TAF3: variants seen among roughly 807,000 people sequenced by gnomAD.
TAF3 encodes the protein TATA-box binding protein associated factor 3, also known as transcription initiation factor TFIID subunit 3.
TAF3 carries 7 observed loss-of-function variants against 80.6 expected under a neutral mutation model. The ratio of observed to expected loss-of-function variants is 0.09; its 90% CI spans 0.05 to 0.16. TAF3 has a LOEUF of 0.16. Ranked by LOEUF, TAF3 falls within the 10% of genes least tolerant of loss-of-function variation. The pLI is 1.00. For synonymous variants in TAF3, 444 were observed against 446.1 expected (o/e 1.00, Z 0.06); for missense variants, 921 against 1,140.2 (o/e 0.81, Z 2.77).
intron 2 of TAF3, among the ~76,000 whole-genome samples, chr10:7,932,654 T>C (rs1206681001): frequency 6.6e-6 from 1 of 151,500 alleles, no homozygotes; most frequent in Non-Finnish European, 1.5e-5. Context: ...CTGACGTTGA[T>C]TTATGTTCCA....
intron 2 of TAF3, among the ~76,000 whole-genome samples, chr10:7,915,630 G>A (rs1216523983): frequency 2.8e-5 from 3 of 106,096 alleles, no homozygotes; most frequent in South Asian, 3.4e-4. Flanking sequence ...GCGACAGAGC[G>A]AAACTCCGTC....
Position 8,009,179 on chromosome 10 carries a change from T to C in TAF3, c.2417T>C (p.Met806Thr). The change falls in exon 5 of 7, where the codon ATG (methionine) becomes ACG (threonine). Residue 806 changes from methionine (M) to threonine (T), a missense_variant. Met to Thr is a moderately conservative substitution (Grantham distance 81). Coordinates refer to ENST00000344293, the MANE Select transcript of TAF3 (RefSeq NM_031923.4). This position sits in a 1 kb window ranked among gnomAD's most constrained non-coding sequence, Gnocchi z 4.1. ...PPAPAPAPGP[M>T]LVSPAPVPLP... ...GCCCCCGCGCCCGCCCCCGGCCCCA[T>C]GCTCGTCAGCCCTGCGCCCGTGCCG... 6.6e-7 allele frequency: 1 copy of C among 1,520,956 alleles called. No individual in the cohort carries two copies. The highest frequency in any genetic ancestry group is 8.8e-7 in the Non-Finnish European group (1 of 1,132,264). 94.2% of individuals were successfully genotyped at this position (1,520,956 alleles called of 1,614,324 possible).
At chr10:7,824,670 C>G in intron 2 of TAF3, 110 bp downstream of exon 2, 1 of 1,334,400 alleles carries the variant, frequency 7.5e-7, no homozygotes, top group South Asian at 1.4e-5. Flanking sequence ...ACAATAGAAA[C>G]ATTTACTGTT....
rs142114284 is a variant in TAF3 at position 8,016,101 on chromosome 10, T to TA, written c.*1357dup. ...AAACCAAATATTTTATTTTTAATGT[T>TA]AAAAAAACATCAAATTTAACTTTAT... is the stretch of plus-strand genomic sequence containing the variant. On this transcript the variant is annotated 3_prime_UTR_variant, in exon 7 of 7. Transcript: ENST00000344293. 1.3e-5 allele frequency: 2 copies of TA among 152,256 alleles called. No individual in the cohort carries two copies. Among genetic ancestry groups the TA allele is most frequent in the South Asian group, 2.1e-4 (1 of 4,818 alleles). The allele number at this position is 152,256 out of a possible 1,614,324, so 9.4% of individuals were successfully genotyped here.
intron 2 of TAF3, among the ~76,000 whole-genome samples, chr10:7,956,225 C>T (rs554315643): frequency 1.2e-3 from 186 of 152,280 alleles, no homozygotes; most frequent in African/African-American, 4.2e-3. Flanking sequence ...CGCGGTGTCT[C>T]ACGCCTGTAA....
Position 7,965,563 on chromosome 10 carries a change from C to G in TAF3, c.2053C>G (p.Leu685Val), listed in dbSNP as rs1831562282. 6.3e-7 allele frequency: 1 copy of G among 1,598,458 alleles called. No homozygotes were observed. The highest frequency in any genetic ancestry group is 8.5e-7 in the Non-Finnish European group (1 of 1,176,264). Reference sequence around the variant, plus strand: ...CATGCTGCCATCTTTGTTGCCAGTGCTTCCGGAAAAACTGTTTGAGGAGAA... The same window carrying G: ...CATGCTGCCATCTTTGTTGCCAGTGGTTCCGGAAAAACTGTTTGAGGAGAA... Reference protein sequence around the residue: ...PAMLPSLLPVLPEKLFEEKEK... With the variant: ...PAMLPSLLPVVPEKLFEEKEK... Residue 685 changes from leucine (L) to valine (V), a missense_variant, in exon 3 of 7, where the codon CTT becomes GTT. Leu to Val is a conservative substitution (Grantham distance 32). Around this residue, in one of 6 missense-constraint regions of TAF3, gnomAD observed 743 missense variants for 821.0 expected, o/e 0.90. Transcript: ENST00000344293.
intron 2 of TAF3, among the ~76,000 whole-genome samples, chr10:7,859,260 CAATAAATA>C (rs145110594): frequency 0.44 from 58,852 of 133,714 alleles, 13,494 homozygotes; most frequent in Non-Finnish European, 0.5. Flanking sequence ...GACTCCATCT[CAATAAATA>C]AATAAATAAA....
chr10:7,821,271 T>C (rs942784183), intron 1 of TAF3, among the ~76,000 whole-genome samples: 19 of 152,210 alleles, frequency 1.2e-4, no homozygotes, highest in African/African-American at 4.6e-4. Flanking sequence ...TTTTAGATTC[T>C]TTTTTCTATA....
At chr10:7,863,626 A>AATATATATAT (rs1554778360) in intron 2 of TAF3, among the ~76,000 whole-genome samples, 6 of 48,098 alleles carry the variant, frequency 1.2e-4, no homozygotes, top group Admixed American at 6.1e-4. Context: ...AAAAAAAAAA[A>AATATATATAT]ATATATATAT....
intron 5 of TAF3, among the ~76,000 whole-genome samples, chr10:8,012,455 T>G (rs895477130): frequency 6.6e-6 from 1 of 152,226 alleles, no homozygotes; most frequent in Non-Finnish European, 1.5e-5. Flanking sequence ...TGGTATTAGT[T>G]GCTGTGGATG....
At chr10:7,888,705 T>C (rs1413942749) in intron 2 of TAF3, among the ~76,000 whole-genome samples, 1 of 152,232 alleles carries the variant, frequency 6.6e-6, no homozygotes, top group East Asian at 1.9e-4. Flanking sequence ...GAATATACTA[T>C]ACTAATTATA....
intron 2 of TAF3, among the ~76,000 whole-genome samples, chr10:7,866,869 A>G (rs1045583933): frequency 3.3e-5 from 5 of 152,208 alleles, no homozygotes; most frequent in African/African-American, 1.2e-4. Flanking sequence ...GTGCGCTCTA[A>G]AAAGTAATCT....
chr10:7,959,753 G>T (rs1227893754), intron 2 of TAF3, among the ~76,000 whole-genome samples: 2 of 152,122 alleles, frequency 1.3e-5, no homozygotes, highest in Non-Finnish European at 2.9e-5. Context: ...GGCCTATCTT[G>T]TAGCCATTTT....
At chr10:7,840,262 C>A (rs1256961205) in intron 2 of TAF3, among the ~76,000 whole-genome samples, 2 of 151,614 alleles carry the variant, frequency 1.3e-5, no homozygotes, top group African/African-American at 4.8e-5. Flanking sequence ...ACGCCATTCT[C>A]CTGCCTCAGC....
rs112135905 is a variant in TAF3, at chr10:7,864,225, T to C, written c.409+39665T>C. ...TTCACTGCCTTAGAATTTTTCTGTGTTCTACCTATTCTTCCCTCCCTTACC... is the reference window on the plus strand; with the variant it reads ...TTCACTGCCTTAGAATTTTTCTGTGCTCTACCTATTCTTCCCTCCCTTACC... On this transcript the variant is annotated intron_variant, in intron 2 of 6. Transcript: ENST00000344293. Among the ~76,000 whole-genome samples the C allele has an allele frequency of 8.3e-3, 1,265 of 152,322 alleles. 13 individuals are homozygous for C. Among genetic ancestry groups the C allele is most frequent in the African/African-American group, 0.026 (1,083 of 41,568 alleles).
intron 2 of TAF3, among the ~76,000 whole-genome samples, chr10:7,873,451 G>C (rs1171042677): frequency 6.6e-6 from 1 of 152,174 alleles, no homozygotes; most frequent in African/African-American, 2.4e-5. Flanking sequence ...AGATGGTTGA[G>C]GAACCTGTCA....
Position 8,009,461 on chromosome 10 carries a change from G to T in TAF3, c.2568+131G>T. ...TTATTATTTACTTAATTATTTTTGA[G>T]ACAGGGTCTCCCTGTGTGGCTCAGG... On this transcript the variant is annotated intron_variant, in intron 5 of 6. Transcript: ENST00000344293. The surrounding 1 kb of genome is among the most constrained non-coding windows in gnomAD (Gnocchi z 4.1). 7.6e-7 allele frequency: 1 copy of T among 1,316,598 alleles called. No individual in the cohort carries two copies. The highest frequency in any genetic ancestry group is 1.4e-5 in the South Asian group (1 of 73,212). The allele number at this position is 1,316,598 out of a possible 1,614,324, so 81.6% of individuals were successfully genotyped here.
At chr10:7,880,092 A>G (rs531837870) in intron 2 of TAF3, among the ~76,000 whole-genome samples, 1 of 152,264 alleles carries the variant, frequency 6.6e-6, no homozygotes, top group South Asian at 2.1e-4. Context: ...ATAACAAATT[A>G]GCTGGCCTTG....
chr10:7,894,649 T>C (rs1837489596), intron 2 of TAF3, among the ~76,000 whole-genome samples: 1 of 152,226 alleles, frequency 6.6e-6, no homozygotes, highest in Non-Finnish European at 1.5e-5. Flanking sequence ...ACACTTACTA[T>C]AAATGCCAAA....
Sources: gnomAD v4.1 joint callset for allele counts (sites outside exome capture counted in the v4.1 genomes callset) on GRCh38, gnomAD v4.1.1 for gene constraint, gnomAD v4.1.1 regional missense constraint, Gnocchi (gnomAD v3.1) non-coding constraint, MANE v1.5 for transcripts, NCBI Gene and HGNC (gene_info 2026-07-23, HGNC 2026-07-21) for gene names.